The following SAPCD1 variants were observed in gnomAD, a reference collection of about 807,000 sequenced individuals.
SAPCD1 encodes the protein suppressor APC domain containing 1.
In SAPCD1, 16 loss-of-function variants were observed where a neutral mutation model predicts 20.7. That is an observed-to-expected ratio of 0.77 (90% CI 0.52 to 1.17). The LOEUF is 1.17. Ranked by LOEUF, SAPCD1 falls within the 50% of genes most tolerant of loss-of-function variation. SAPCD1 has a pLI of 0.00. For synonymous variants in SAPCD1, 77 were observed against 84.8 expected (o/e 0.91, Z 0.50); for missense variants, 173 against 209.9 (o/e 0.82, Z 1.09).
Position 31,763,746 on chromosome 6 carries a change from A to C in SAPCD1, c.255+191A>C. On this transcript the variant is annotated intron_variant, in intron 2 of 4. Transcript: ENST00000415669. The surrounding 1 kb of genome is among the most constrained non-coding windows in gnomAD (Gnocchi z 4.9). Reference sequence around the variant, plus strand: ...GGTGTTCATTGTTGGGGCTGGAGGAAGCTGGTCTGCATTCCATTCAGAGGG... The same window carrying C: ...GGTGTTCATTGTTGGGGCTGGAGGACGCTGGTCTGCATTCCATTCAGAGGG... 1.6e-6 allele frequency: 1 copy of C among 627,540 alleles called. No homozygotes were observed. The highest frequency in any genetic ancestry group is 2.0e-5 in the South Asian group (1 of 51,172). 38.9% of individuals were successfully genotyped at this position (627,540 alleles called of 1,614,324 possible).
In SAPCD1 at chr6:31,764,510, A is replaced by G. The variant is rs1477165980; in HGVS notation, c.516A>G (p.Pro172=). 3 of 1,613,180 alleles carry G rather than the reference A, an allele frequency of 1.9e-6. No individual in the cohort carries two copies. Among genetic ancestry groups the G allele is most frequent in the Non-Finnish European group, 2.5e-6 (3 of 1,179,660 alleles). The change falls in exon 5 of 5, where the codon CCA becomes CCG. Residue 172 remains proline, a synonymous_variant. Transcript: ENST00000415669. The surrounding 1 kb of genome is among the most constrained non-coding windows in gnomAD (Gnocchi z 4.7). ...CTCAGCGGGGCTGCACCAAGGGGCC[A>G]AGAGGCCCTACCCGTGTCTAAACCC...
chr6:31,763,567 G>A lies in SAPCD1; in HGVS notation c.255+12G>A. 6.2e-7 allele frequency: 1 copy of A among 1,600,512 alleles called. No individual in the cohort carries two copies. The highest frequency in any genetic ancestry group is 8.5e-7 in the Non-Finnish European group (1 of 1,173,800). On this transcript the variant is annotated intron_variant, in intron 2 of 4. Transcript: ENST00000415669. This position sits in a 1 kb window ranked among gnomAD's most constrained non-coding sequence, Gnocchi z 4.9. ...GGGCCCTTGGTGAGGTATGGGGGCT[G>A]CCCCTCTGTGTGAATGGGGGGAGGA...
rs747160705 is a variant in SAPCD1, at chr6:31,764,155, A to C, written c.347A>C (p.Glu116Ala). 1 of 1,613,022 alleles carries C rather than the reference A, an allele frequency of 6.2e-7. No individual in the cohort carries two copies. Among genetic ancestry groups the C allele is most frequent in the South Asian group, 1.1e-5 (1 of 91,066 alleles). The change falls in exon 3 of 5, where the codon GAG becomes GCG. Residue 116 changes from glutamate (E) to alanine (A), a missense_variant. Transcript: ENST00000415669. The surrounding 1 kb of genome is among the most constrained non-coding windows in gnomAD (Gnocchi z 4.7). ...ATCTGTTTGCAGAATCTGATTCATGAGAAGGTGAGTTTATTGTTTTCAGTT... is the reference window on the plus strand; with the variant it reads ...ATCTGTTTGCAGAATCTGATTCATGCGAAGGTGAGTTTATTGTTTTCAGTT...
In SAPCD1 at chr6:31,763,205, C is replaced by CTTGT; in HGVS notation, c.114+38_114+39insTGTT. On this transcript the variant is annotated intron_variant, in intron 1 of 4. Transcript: ENST00000415669. This position sits in a 1 kb window ranked among gnomAD's most constrained non-coding sequence, Gnocchi z 4.9. The stretch of plus-strand genomic sequence containing the variant: ...CCCAACAAGAGGTCCCAGGGGAACT[C>CTTGT]TCTCAATAGATCTGCCCTTTATATT... The CTTGT allele has an allele frequency of 7.7e-7, 1 of 1,297,660 alleles. No homozygotes were observed. Among genetic ancestry groups the CTTGT allele is most frequent in the Non-Finnish European group, 1.1e-6 (1 of 927,054 alleles). The allele number at this position is 1,297,660 out of a possible 1,614,324, so 80.4% of individuals were successfully genotyped here.
In SAPCD1 at chr6:31,763,303, G is replaced by C; in HGVS notation, c.115-112G>C. 2.8e-6 allele frequency: 4 copies of C among 1,445,230 alleles called. No individual in the cohort carries two copies. The highest frequency in any genetic ancestry group is 3.8e-6 in the Non-Finnish European group (4 of 1,039,430). The allele number at this position is 1,445,230 out of a possible 1,614,324, so 89.5% of individuals were successfully genotyped here. A position where few individuals can be genotyped will look rare whatever the true frequency, so the allele number is the denominator to read the frequency against. ...CCTCCAGGTCCTCAGTGGCCAGTCT[G>C]GGTTCACACTCAGTGACCACACAGT... On this transcript the variant is annotated intron_variant, in intron 1 of 4. Coordinates refer to ENST00000415669, the Ensembl canonical transcript of SAPCD1. The surrounding 1 kb of genome is among the most constrained non-coding windows in gnomAD (Gnocchi z 4.9).
In SAPCD1 at chr6:31,764,773, T is replaced by C. The variant is rs1811363335; in HGVS notation, c.*242T>C. 4.1e-6 allele frequency: 2 copies of C among 493,560 alleles called. No individual in the cohort carries two copies. Among genetic ancestry groups the C allele is most frequent in the Non-Finnish European group, 7.1e-6 (2 of 280,914 alleles). The allele number at this position is 493,560 out of a possible 1,614,324, so 30.6% of individuals were successfully genotyped here. A position where few individuals can be genotyped will look rare whatever the true frequency, so the allele number is the denominator to read the frequency against. On this transcript the variant is annotated 3_prime_UTR_variant, in exon 5 of 5. Transcript: ENST00000415669. The surrounding 1 kb of genome is among the most constrained non-coding windows in gnomAD (Gnocchi z 4.7). ...TTTGAAATCCCTCTGGGAAGAAGCA[T>C]GTTTATTGAAACTGTCCTTCAGCCT...
chr6:31,763,567 G>GC lies in SAPCD1; in HGVS notation c.255+16dup. 3.7e-6 allele frequency: 6 copies of GC among 1,600,512 alleles called. No homozygotes were observed. In the African/African-American group the frequency reaches 4.0e-5, roughly 11 times the overall value. ...GGGCCCTTGGTGAGGTATGGGGGCT[G>GC]CCCCTCTGTGTGAATGGGGGGAGGA... On this transcript the variant is annotated intron_variant, in intron 2 of 4. Transcript: ENST00000415669. The surrounding 1 kb of genome is among the most constrained non-coding windows in gnomAD (Gnocchi z 4.9).
At position 31,763,318 on chromosome 6, in the gene SAPCD1, G is replaced by A; in HGVS notation, c.115-97G>A. The A allele has an allele frequency of 2.0e-6, 3 of 1,513,586 alleles. No homozygotes were observed. Among genetic ancestry groups the A allele is most frequent in the Non-Finnish European group, 2.7e-6 (3 of 1,097,168 alleles). The allele number at this position is 1,513,586 out of a possible 1,614,324, so 93.8% of individuals were successfully genotyped here. The stretch of plus-strand genomic sequence containing the variant: ...TGGCCAGTCTGGGTTCACACTCAGT[G>A]ACCACACAGTGAACCCAACTAGGGG... On this transcript the variant is annotated intron_variant, in intron 1 of 4. Transcript: ENST00000415669. The surrounding 1 kb of genome is among the most constrained non-coding windows in gnomAD (Gnocchi z 4.9).
upstream of SAPCD1, chr6:31,762,834 C>T (rs1329971248): frequency 1.8e-6 from 1 of 545,278 alleles, no homozygotes. Context: ...GAGAACGAAC[C>T]CCTTCAGAGA....
Position 31,764,508 on chromosome 6 carries a change from C to A in SAPCD1, c.514C>A (p.Pro172Thr). 1 of 1,613,460 alleles carries A rather than the reference C, an allele frequency of 6.2e-7. No homozygotes were observed. ...GGCTCAGCGGGGCTGCACCAAGGGGCCAAGAGGCCCTACCCGTGTCTAAAC... is the reference window on the plus strand; with the variant it reads ...GGCTCAGCGGGGCTGCACCAAGGGGACAAGAGGCCCTACCCGTGTCTAAAC... Residue 172 changes from proline to threonine, a missense_variant, in exon 5 of 5, where the codon CCA becomes ACA. Pro to Thr is a conservative substitution (Grantham distance 38). Transcript: ENST00000415669. This position sits in a 1 kb window ranked among gnomAD's most constrained non-coding sequence, Gnocchi z 4.7.
In SAPCD1 at chr6:31,763,310, C is replaced by T. The variant is rs572135883; in HGVS notation, c.115-105C>T. 5.6e-5 allele frequency: 84 copies of T among 1,489,758 alleles called. No individual in the cohort carries two copies. Among genetic ancestry groups the T allele is most frequent in the Non-Finnish European group, 7.4e-5 (80 of 1,077,852 alleles). The allele number at this position is 1,489,758 out of a possible 1,614,324, so 92.3% of individuals were successfully genotyped here. A position where few individuals can be genotyped will look rare whatever the true frequency, so the allele number is the denominator to read the frequency against. On this transcript the variant is annotated intron_variant, in intron 1 of 4. Transcript: ENST00000415669. The surrounding 1 kb of genome is among the most constrained non-coding windows in gnomAD (Gnocchi z 4.9). ...GTCCTCAGTGGCCAGTCTGGGTTCA[C>T]ACTCAGTGACCACACAGTGAACCCA...
rs1811160602 is a variant in SAPCD1 at position 31,763,003 on chromosome 6, C to T, written c.-52C>T. On this transcript the variant is annotated 5_prime_UTR_variant, in exon 1 of 5. Coordinates refer to ENST00000415669, the Ensembl canonical transcript of SAPCD1. The surrounding 1 kb of genome is among the most constrained non-coding windows in gnomAD (Gnocchi z 4.9). ...GCAAGGCAGGGGTGGAGGGGAGGGA[C>T]CAGCCCGGGCTGCACCAGTGGGAGT... 8.5e-6 allele frequency: 9 copies of T among 1,060,108 alleles called. No individual in the cohort carries two copies. The highest frequency in any genetic ancestry group is 1.1e-5 in the Non-Finnish European group (8 of 724,422). The allele number at this position is 1,060,108 out of a possible 1,614,324, so 65.7% of individuals were successfully genotyped here.
At position 31,764,774 on chromosome 6, in the gene SAPCD1, G is replaced by A. The variant is rs1811363569; in HGVS notation, c.*243G>A. 1 of 491,770 alleles carries A rather than the reference G, an allele frequency of 2.0e-6. No homozygotes were observed. Among genetic ancestry groups the A allele is most frequent in the South Asian group, 3.8e-5 (1 of 26,134 alleles). 30.5% of individuals were successfully genotyped at this position (491,770 alleles called of 1,614,324 possible). On this transcript the variant is annotated 3_prime_UTR_variant, in exon 5 of 5. Coordinates refer to ENST00000415669, the Ensembl canonical transcript of SAPCD1. This position sits in a 1 kb window ranked among gnomAD's most constrained non-coding sequence, Gnocchi z 4.7. Reference sequence around the variant, plus strand: ...TTGAAATCCCTCTGGGAAGAAGCATGTTTATTGAAACTGTCCTTCAGCCTT... The same window carrying A: ...TTGAAATCCCTCTGGGAAGAAGCATATTTATTGAAACTGTCCTTCAGCCTT...
At position 31,763,289 on chromosome 6, in the gene SAPCD1, T is replaced by G; in HGVS notation, c.114+121T>G. ...CTGCCTCCCCTTGCCCTCCAGGTCC[T>G]CAGTGGCCAGTCTGGGTTCACACTC... On this transcript the variant is annotated intron_variant, in intron 1 of 4. Coordinates refer to ENST00000415669, the Ensembl canonical transcript of SAPCD1. The surrounding 1 kb of genome is among the most constrained non-coding windows in gnomAD (Gnocchi z 4.9). 2 of 1,360,818 alleles carry G rather than the reference T, an allele frequency of 1.5e-6. No individual in the cohort carries two copies. The highest frequency in any genetic ancestry group is 2.1e-6 in the Non-Finnish European group (2 of 967,802). 84.3% of individuals were successfully genotyped at this position (1,360,818 alleles called of 1,614,324 possible). A position where few individuals can be genotyped will look rare whatever the true frequency, so the allele number is the denominator to read the frequency against.
Position 31,764,119 on chromosome 6 carries a change from A to G in SAPCD1, c.311A>G (p.Gln104Arg), listed in dbSNP as rs755559993. 6.2e-7 allele frequency: 1 copy of G among 1,613,978 alleles called. No homozygotes were observed. The change falls in exon 3 of 5, where the codon CAA becomes CGA. Residue 104 changes from glutamine (Q) to arginine (R), a missense_variant. By Grantham distance (43) the Gln-to-Arg change is conservative. Coordinates refer to ENST00000415669, the Ensembl canonical transcript of SAPCD1. This position sits in a 1 kb window ranked among gnomAD's most constrained non-coding sequence, Gnocchi z 4.7. ...GGTCGCCCCCCGTTAGCCCAGATTC[A>G]AAAGGTGAACATCTGTTTGCAGAAT...
Position 31,763,766 on chromosome 6 carries a change from A to G in SAPCD1, c.255+211A>G. The stretch of plus-strand genomic sequence containing the variant: ...GAGGAAGCTGGTCTGCATTCCATTC[A>G]GAGGGATTTGGATCACTCCATGGAG... On this transcript the variant is annotated intron_variant, in intron 2 of 4. Coordinates refer to ENST00000415669, the Ensembl canonical transcript of SAPCD1. The surrounding 1 kb of genome is among the most constrained non-coding windows in gnomAD (Gnocchi z 4.9). 1.6e-6 allele frequency: 1 copy of G among 613,124 alleles called. No homozygotes were observed. Among genetic ancestry groups the G allele is most frequent in the Non-Finnish European group, 2.9e-6 (1 of 348,554 alleles). The allele number at this position is 613,124 out of a possible 1,614,324, so 38.0% of individuals were successfully genotyped here.
In SAPCD1 at chr6:31,763,459, G is replaced by A. The variant is rs1473311106; in HGVS notation, c.159G>A (p.Trp53Ter). 1 of 1,613,082 alleles carries A rather than the reference G, an allele frequency of 6.2e-7. No individual in the cohort carries two copies. Among genetic ancestry groups the A allele is most frequent in the Non-Finnish European group, 8.5e-7 (1 of 1,180,030 alleles). The stretch of plus-strand genomic sequence containing the variant: ...TGGAGAGAGAACAGGATGCCCTGTG[G>A]CAGGGTCTGGAGCTGCTACAGCATG... Residue 53 changes from tryptophan (W) to a stop codon, truncating the protein, a stop_gained, in exon 2 of 5, where the codon TGG (tryptophan) becomes TGA (stop). Coordinates refer to ENST00000415669, the Ensembl canonical transcript of SAPCD1. LOFTEE classifies it high-confidence loss of function. This position sits in a 1 kb window ranked among gnomAD's most constrained non-coding sequence, Gnocchi z 4.9.
rs1437932001 is a variant in SAPCD1 at position 31,764,715 on chromosome 6, T to G, written c.*184T>G. 1.7e-6 allele frequency: 1 copy of G among 584,950 alleles called. No homozygotes were observed. 36.2% of individuals were successfully genotyped at this position (584,950 alleles called of 1,614,324 possible). ...TCTTCTTGGTGTCTCATGTCCTCATTCTCCCCTATATGACATGCAAAAACG... is the reference window on the plus strand; with the variant it reads ...TCTTCTTGGTGTCTCATGTCCTCATGCTCCCCTATATGACATGCAAAAACG... On this transcript the variant is annotated 3_prime_UTR_variant, in exon 5 of 5. Transcript: ENST00000415669. The surrounding 1 kb of genome is among the most constrained non-coding windows in gnomAD (Gnocchi z 4.7).
upstream of SAPCD1, chr6:31,762,822 A>G (rs1356130865): frequency 3.7e-6 from 2 of 545,166 alleles, no homozygotes; most frequent in African/African-American, 1.9e-5. Context: ...AGGATACTTC[A>G]TGAGAACGAA....
Sources: allele counts gnomAD v4.1 joint callset, GRCh38; gene constraint gnomAD v4.1.1; non-coding constraint Gnocchi (gnomAD v3.1); transcripts MANE v1.5; gene names NCBI Gene and HGNC (gene_info 2026-07-23, HGNC 2026-07-21).